The following HECW1 variants were observed in gnomAD, a reference collection of about 807,000 sequenced individuals.
HECW1 encodes E3 ubiquitin-protein ligase HECW1.
A neutral mutation model predicts 182.3 loss-of-function variants in HECW1; 61 were observed. That is an observed-to-expected ratio of 0.33 (90% CI 0.27 to 0.41). The LOEUF is 0.41. HECW1 is among the 10% of genes least tolerant of loss of function. The pLI is 1.00. For synonymous variants in HECW1, 859 were observed against 832.6 expected (o/e 1.03, Z -0.55); for missense variants, 1,739 against 2,108.9 (o/e 0.82, Z 3.44).
chr7:43,334,142 A>G (rs1811835468), intron 5 of HECW1, among the ~76,000 whole-genome samples: 2 of 152,224 alleles, frequency 1.3e-5, no homozygotes, highest in Admixed American at 1.3e-4. Context: ...GTGGAGCTTC[A>G]GAAAGTCCTG....
intron 26 of HECW1, among the ~76,000 whole-genome samples, chr7:43,543,187 G>T (rs2081424469): frequency 6.6e-6 from 1 of 152,160 alleles, no homozygotes; most frequent in Non-Finnish European, 1.5e-5. Flanking sequence ...TAGACCTAAA[G>T]TCTGTGACAT....
chr7:43,299,704 T>C (rs867206693), intron 3 of HECW1, among the ~76,000 whole-genome samples: 1 of 152,326 alleles, frequency 6.6e-6, no homozygotes, highest in South Asian at 2.1e-4. Flanking sequence ...TCATAGTAGC[T>C]AAGTGTCCCC....
intron 6 of HECW1, among the ~76,000 whole-genome samples, chr7:43,375,674 C>G (rs2074292733): frequency 6.6e-6 from 1 of 152,038 alleles, no homozygotes; most frequent in Admixed American, 6.6e-5. Context: ...GGGCAGATCA[C>G]TTGAGACCAG....
intron 2 of HECW1, among the ~76,000 whole-genome samples, chr7:43,166,830 C>T (rs1387611859): frequency 1.3e-5 from 2 of 152,048 alleles, no homozygotes; most frequent in Admixed American, 1.3e-4. Context: ...AGGGTGGGGC[C>T]AGGGAGGGCA....
At chr7:43,485,736 C>T (rs2078606897) in intron 17 of HECW1, among the ~76,000 whole-genome samples, 2 of 152,150 alleles carry the variant, frequency 1.3e-5, no homozygotes, top group South Asian at 4.1e-4. Flanking sequence ...AGGATACTTA[C>T]AGTGAATGGA....
In HECW1 at chr7:43,409,887, G is replaced by C. The variant is rs1243735622; in HGVS notation, c.801+2156G>C. On this transcript the variant is annotated intron_variant, in intron 8 of 29. Transcript: ENST00000395891. The stretch of plus-strand genomic sequence containing the variant: ...CTGCAGAGCATTCAAAGCCTTCTTT[G>C]ATCAGGCATTGCTTACCATTATGTC... Among the ~76,000 whole-genome samples, 7 of 152,204 alleles carry C rather than the reference G, an allele frequency of 4.6e-5. No homozygotes were observed. The East Asian group carries it at 1.3e-3, about 29-fold the overall frequency.
At chr7:43,179,268 G>A (rs1329930279) in intron 2 of HECW1, among the ~76,000 whole-genome samples, 3 of 152,188 alleles carry the variant, frequency 2.0e-5, no homozygotes, top group Non-Finnish European at 2.9e-5. Flanking sequence ...TTATTTGTGC[G>A]GCATCAAGGT....
intron 2 of HECW1, among the ~76,000 whole-genome samples, chr7:43,225,584 C>T (rs186616623): frequency 5.3e-5 from 8 of 151,900 alleles, no homozygotes; most frequent in Admixed American, 3.9e-4. Context: ...ACCAGAAAAC[C>T]CGAGATGCCT....
intron 2 of HECW1, among the ~76,000 whole-genome samples, chr7:43,121,277 A>G (rs935910220): frequency 6.6e-6 from 1 of 152,140 alleles, no homozygotes; most frequent in Non-Finnish European, 1.5e-5. Context: ...CCAGGACTTG[A>G]TAAAAACTGT....
intron 13 of HECW1, among the ~76,000 whole-genome samples, chr7:43,459,207 ATGTGCCTGCCTC>A (rs748956425): frequency 9.2e-4 from 140 of 152,282 alleles, no homozygotes; most frequent in Non-Finnish European, 1.6e-3. Flanking sequence ...AGCTTCTGGA[ATGTGCCTGCCTC>A]TGTGCCTGTT....
intron 11 of HECW1, among the ~76,000 whole-genome samples, chr7:43,447,780 C>G (rs1184637586): frequency 6.6e-6 from 1 of 152,166 alleles, no homozygotes; most frequent in African/African-American, 2.4e-5. Flanking sequence ...ATAAAAATCC[C>G]TATTGCTCCT....
intron 3 of HECW1, among the ~76,000 whole-genome samples, chr7:43,305,166 C>T (rs1395623379): frequency 6.6e-6 from 1 of 152,176 alleles, no homozygotes; most frequent in Non-Finnish European, 1.5e-5. Flanking sequence ...ATGACCTTGG[C>T]TTTTGTCAAA....
intron 3 of HECW1, among the ~76,000 whole-genome samples, chr7:43,299,274 G>A (rs550134374): frequency 1.3e-4 from 20 of 152,300 alleles, no homozygotes; most frequent in East Asian, 1.2e-3. Context: ...AAGATTCCAC[G>A]AGGCCGGAAT....
chr7:43,387,881 TAA>T (rs2074862807), intron 6 of HECW1, among the ~76,000 whole-genome samples: 1 of 152,228 alleles, frequency 6.6e-6, no homozygotes, highest in Non-Finnish European at 1.5e-5. Context: ...TCTGCTAACA[TAA>T]TTCTTAAGAT....
Position 43,565,082 on chromosome 7 carries a change from TATA to T in HECW1, c.*3162_*3164del, listed in dbSNP as rs1170854881. 5.1e-6 allele frequency: 1 copy of T among 194,386 alleles called. No individual in the cohort carries two copies. The highest frequency in any genetic ancestry group is 8.1e-5 in the East Asian group (1 of 12,320). The allele number at this position is 194,386 out of a possible 1,614,324, so 12.0% of individuals were successfully genotyped here. A position where few individuals can be genotyped will look rare whatever the true frequency, so the allele number is the denominator to read the frequency against. On this transcript the variant is annotated 3_prime_UTR_variant, in exon 30 of 30. Coordinates refer to ENST00000395891, the MANE Select transcript of HECW1 (RefSeq NM_015052.5). ...ATGCTTTTAAAATTCTATAAAGTGTTATAATAATTTCATGGATATCACAAATGT... is the reference window on the plus strand; with the variant it reads ...ATGCTTTTAAAATTCTATAAAGTGTTATAATTTCATGGATATCACAAATGT...
At chr7:43,275,865 G>C (rs529295061) in intron 3 of HECW1, among the ~76,000 whole-genome samples, 2 of 152,210 alleles carry the variant, frequency 1.3e-5, no homozygotes, top group East Asian at 3.9e-4. Context: ...TGATCCACAG[G>C]CCACCTCTGG....
At chr7:43,308,087 A>G (rs1397018015) in intron 3 of HECW1, among the ~76,000 whole-genome samples, 1 of 108,090 alleles carries the variant, frequency 9.3e-6, no homozygotes, top group East Asian at 2.2e-4. Context: ...AATATATTAT[A>G]TATTATATAT....
In HECW1 at chr7:43,445,523, C is replaced by G. The variant is rs548549863; in HGVS notation, c.2351C>G (p.Pro784Arg). 6.2e-5 allele frequency: 99 copies of G among 1,609,524 alleles called. 1 individual carries two copies. The East Asian group carries it at 2.1e-3, about 34-fold the overall frequency. ...AAPSGHVERS[P>R]EGLESPVAGP... is the part of the protein sequence containing the mutation. ...CCTAGCGGGCACGTGGAAAGAAGCC[C>G]GGAAGGTCTGGAATCCCCCGTGGCA... Residue 784 changes from proline to arginine, a missense_variant, in exon 11 of 30, where the codon CCG becomes CGG. This residue lies in a region of HECW1 where 971 missense variants were observed against 1,029.1 expected (regional missense o/e 0.94). Transcript: ENST00000395891.
At chr7:43,332,786 T>A (rs1244768588) in intron 5 of HECW1, among the ~76,000 whole-genome samples, 1 of 152,166 alleles carries the variant, frequency 6.6e-6, no homozygotes, top group Non-Finnish European at 1.5e-5. Context: ...CAGCTAAACT[T>A]CTTTGAGCCA....
Sources: allele counts gnomAD v4.1 joint callset (sites outside exome capture counted in the v4.1 genomes callset), GRCh38; gene constraint gnomAD v4.1.1; regional missense constraint gnomAD v4.1.1; transcripts MANE v1.5; gene names NCBI Gene and HGNC (gene_info 2026-07-23, HGNC 2026-07-21).